SEMA6D: variants seen among roughly 807,000 people sequenced by gnomAD.
SEMA6D encodes semaphorin 6D.
Under a neutral mutation model 106.6 loss-of-function variants are expected in SEMA6D, and 35 were observed. The ratio of observed to expected loss-of-function variants is 0.33; its 90% CI spans 0.25 to 0.44. The LOEUF (loss-of-function observed/expected upper bound fraction) is 0.44. Ranked by LOEUF, SEMA6D falls within the 20% of genes least tolerant of loss-of-function variation. The pLI, the probability that SEMA6D is intolerant of heterozygous loss-of-function variation, is 1.00. For missense variants in SEMA6D, 1,185 were observed against 1,345.9 expected, an observed-to-expected ratio of 0.88 and a Z score of 1.87; for synonymous variants, 499 against 487.7, an observed-to-expected ratio of 1.02 and a Z score of -0.31.
At chr15:47,366,426 T>G (rs2145248406) in intron 1 of SEMA6D, among the ~76,000 whole-genome samples, 1 of 152,278 alleles carries the variant, frequency 6.6e-6, no homozygotes, top group Middle Eastern at 3.4e-3. Flanking sequence ...TAACACATAG[T>G]AAGAGTTCGG....
chr15:47,766,488 T>G, intron 15 of SEMA6D, 128 bp from the exon 16 acceptor site: 1 of 444,660 alleles, frequency 2.2e-6, no homozygotes, highest in Non-Finnish European at 3.8e-6. Context: ...TGTTAAAATG[T>G]TGTTTTTTTT....
Position 47,199,452 on chromosome 15 carries a change from T to C in SEMA6D, c.-239+15034T>C, listed in dbSNP as rs550451261. ...CTGTACTCTAGGAAGAGTGTGTGTC[T>C]CCCCTACAAAAGCAGAAAATAAAAA... is the stretch of plus-strand genomic sequence containing the variant. On this transcript the variant is annotated intron_variant, in intron 1 of 19. Coordinates refer to the SEMA6D transcript ENST00000558014. Among the ~76,000 whole-genome samples the C allele has an allele frequency of 9.2e-5, 14 of 152,216 alleles. No individual in the cohort carries two copies. In the East Asian group the frequency reaches 2.5e-3, roughly 27 times the overall value.
intron 1 of SEMA6D, among the ~76,000 whole-genome samples, chr15:47,327,999 G>C (rs945825483): frequency 6.6e-6 from 1 of 152,060 alleles, no homozygotes; most frequent in African/African-American, 2.4e-5. Context: ...TAACATTTTT[G>C]TTCATGGATC....
intron 1 of SEMA6D, among the ~76,000 whole-genome samples, chr15:47,235,693 T>G (rs1229250946): frequency 1.3e-5 from 2 of 152,080 alleles, no homozygotes; most frequent in Admixed American, 1.3e-4. Flanking sequence ...CACCTTTATG[T>G]CAGTACCATG....
At chr15:47,434,044 A>C (rs1363462816) in intron 2 of SEMA6D, among the ~76,000 whole-genome samples, 2 of 152,106 alleles carry the variant, frequency 1.3e-5, no homozygotes, top group African/African-American at 4.8e-5. Context: ...TAAAATCATA[A>C]GTGGTGGTGT....
intron 4 of SEMA6D, among the ~76,000 whole-genome samples, chr15:47,673,403 C>T (rs2078175696): frequency 6.6e-6 from 1 of 152,154 alleles, no homozygotes; most frequent in Non-Finnish European, 1.5e-5. Context: ...TGAAACACTC[C>T]TCCCCCTCCT....
intron 4 of SEMA6D, among the ~76,000 whole-genome samples, chr15:47,708,038 A>G (rs1429453342): frequency 1.3e-5 from 2 of 152,124 alleles, no homozygotes; most frequent in Non-Finnish European, 2.9e-5. Flanking sequence ...TTCTACCTCC[A>G]TTAAAGTCAT....
intron 1 of SEMA6D, among the ~76,000 whole-genome samples, chr15:47,190,447 A>G (rs1228108396): frequency 6.6e-6 from 1 of 152,166 alleles, no homozygotes; most frequent in Non-Finnish European, 1.5e-5. Context: ...GGCTTCTTTT[A>G]TCTTTACTTT....
chr15:47,576,295 C>G (rs1218492962), intron 3 of SEMA6D, among the ~76,000 whole-genome samples: 1 of 152,222 alleles, frequency 6.6e-6, no homozygotes, highest in Non-Finnish European at 1.5e-5. Context: ...CTGACCCCAG[C>G]ACATCTTCCC....
intron 1 of SEMA6D, among the ~76,000 whole-genome samples, chr15:47,201,600 A>AG (rs1894729222): frequency 6.6e-6 from 1 of 151,996 alleles, no homozygotes; most frequent in African/African-American, 2.4e-5. Flanking sequence ...GCTTGGCTTC[A>AG]CCCCCACTAG....
intron 1 of SEMA6D, among the ~76,000 whole-genome samples, chr15:47,227,248 T>C (rs979491454): frequency 1.3e-5 from 2 of 152,074 alleles, no homozygotes; most frequent in Admixed American, 1.3e-4. Flanking sequence ...GAAAAGCTCC[T>C]ACTTCTGTTG....
chr15:47,445,820 G>A lies in SEMA6D; in HGVS notation c.-158-24654G>A, dbSNP rs928991172. Among the ~76,000 whole-genome samples the A allele has an allele frequency of 1.8e-4, 27 of 151,808 alleles. 1 individual carries two copies. Among genetic ancestry groups the A allele is most frequent in the Admixed American group, 8.5e-4 (13 of 15,244 alleles). ...GCATATGTTCATGTACCCCATTCAC[G>A]CTCCATATCTGTGACAAATATCGCC... On this transcript the variant is annotated intron_variant, in intron 2 of 19. Transcript: ENST00000558014.
intron 4 of SEMA6D, among the ~76,000 whole-genome samples, chr15:47,678,227 C>G (rs1285155384): frequency 6.6e-6 from 1 of 152,146 alleles, no homozygotes; most frequent in Non-Finnish European, 1.5e-5. Context: ...TATACACCCA[C>G]TGAGATAGTC....
intron 2 of SEMA6D, among the ~76,000 whole-genome samples, chr15:47,445,428 A>G (rs2140857843): frequency 6.6e-6 from 1 of 152,132 alleles, no homozygotes; most frequent in South Asian, 2.1e-4. Flanking sequence ...GGGAAGAGAG[A>G]AAATAAACAA....
At chr15:47,686,971 C>T (rs2078482796) in intron 4 of SEMA6D, among the ~76,000 whole-genome samples, 1 of 148,982 alleles carries the variant, frequency 6.7e-6, no homozygotes, top group South Asian at 2.1e-4. Flanking sequence ...GAGGCTGAGG[C>T]AGGAAGATCG....
chr15:47,699,641 A>T (rs1188280597), intron 4 of SEMA6D, among the ~76,000 whole-genome samples: 2 of 152,234 alleles, frequency 1.3e-5, no homozygotes, highest in Non-Finnish European at 2.9e-5. Context: ...GCCCTCCTGC[A>T]TTTCACATCA....
At chr15:47,261,029 T>C (rs1456526987) in intron 1 of SEMA6D, among the ~76,000 whole-genome samples, 2 of 152,182 alleles carry the variant, frequency 1.3e-5, no homozygotes, top group African/African-American at 4.8e-5. Context: ...TATCATTTTT[T>C]AGAGTTATCC....
At chr15:47,506,780 G>A (rs2044056726) in intron 3 of SEMA6D, among the ~76,000 whole-genome samples, 1 of 152,178 alleles carries the variant, frequency 6.6e-6, no homozygotes, top group African/African-American at 2.4e-5. Context: ...TACCCATTGA[G>A]AAGAGATATT....
At chr15:47,585,355 C>T (rs990551194) in intron 3 of SEMA6D, among the ~76,000 whole-genome samples, 3 of 152,224 alleles carry the variant, frequency 2.0e-5, no homozygotes, top group African/African-American at 7.2e-5. Context: ...GCTATATATA[C>T]TGTTGGTAAA....
Sources: gnomAD v4.1 joint callset for allele counts (sites outside exome capture counted in the v4.1 genomes callset) on GRCh38, gnomAD v4.1.1 for gene constraint, MANE v1.5 for transcripts, NCBI Gene and HGNC (gene_info 2026-07-23, HGNC 2026-07-21) for gene names.